The following COMMD1 variants were observed in gnomAD, a reference collection of about 807,000 sequenced individuals.
COMMD1 encodes the protein copper metabolism domain containing 1, also known as COMM domain-containing protein 1.
COMMD1 carries 10 observed loss-of-function variants against 17.2 expected under a neutral mutation model. That is an observed-to-expected ratio of 0.58 (90% CI 0.36 to 0.99). The LOEUF (loss-of-function observed/expected upper bound fraction) is 0.99. COMMD1 is among the 50% of genes least tolerant of loss of function. COMMD1 has a pLI of 0.01. For missense variants in COMMD1, 270 were observed against 231.8 expected (o/e 1.17, Z -1.07); for synonymous variants, 97 against 91.6 (o/e 1.06, Z -0.34).
At chr2:61,942,214 C>T (rs1572985616) in intron 1 of COMMD1, among the ~76,000 whole-genome samples, 1 of 151,824 alleles carries the variant, frequency 6.6e-6, no homozygotes, top group East Asian at 2.0e-4. Context: ...AGCGATTCTC[C>T]TGCCTCAGCC....
chr2:61,896,836 GT>G (rs1029693400), intron 1 of COMMD1, among the ~76,000 whole-genome samples: 2 of 75,494 alleles, frequency 2.6e-5, no homozygotes, highest in Non-Finnish European at 5.7e-5. Context: ...TTTTTTTTTT[GT>G]TTTTTTTAGA....
At chr2:61,972,667 C>A (rs530997074) in intron 1 of COMMD1, among the ~76,000 whole-genome samples, 6 of 152,272 alleles carry the variant, frequency 3.9e-5, no homozygotes, top group Admixed American at 3.9e-4. Flanking sequence ...CTTTGTCTAA[C>A]CAGGAGGCAA....
intron 2 of COMMD1, among the ~76,000 whole-genome samples, chr2:62,054,085 C>T (rs111683058): frequency 1.3e-5 from 2 of 152,190 alleles, no homozygotes; most frequent in African/African-American, 4.8e-5. Context: ...AAATGGCCAA[C>T]AGGTATATGA....
At chr2:62,055,784 C>T (rs529463897) in intron 2 of COMMD1, among the ~76,000 whole-genome samples, 4 of 152,290 alleles carry the variant, frequency 2.6e-5, no homozygotes, top group African/African-American at 4.8e-5. Flanking sequence ...GAAGGTGGAA[C>T]GTGTTCCTCT....
chr2:61,959,492 T>A (rs959483364), intron 1 of COMMD1, among the ~76,000 whole-genome samples: 6 of 152,228 alleles, frequency 3.9e-5, no homozygotes, highest in African/African-American at 1.4e-4. Context: ...ATTTTATAAA[T>A]GTAATTTTAT....
intron 2 of COMMD1, among the ~76,000 whole-genome samples, chr2:62,084,556 C>A (rs1437558140): frequency 6.6e-6 from 1 of 152,098 alleles, no homozygotes; most frequent in African/African-American, 2.4e-5. Context: ...TGTAAATGGA[C>A]CCATGCAGTT....
chr2:61,915,442 T>C (rs187232801), intron 1 of COMMD1, among the ~76,000 whole-genome samples: 26 of 152,298 alleles, frequency 1.7e-4, no homozygotes, highest in African/African-American at 5.8e-4. Context: ...CACTTTTTGA[T>C]TGACTTCCTT....
At chr2:62,119,732 T>C (rs1386444929) in intron 2 of COMMD1, among the ~76,000 whole-genome samples, 1 of 152,198 alleles carries the variant, frequency 6.6e-6, no homozygotes, top group Non-Finnish European at 1.5e-5. Flanking sequence ...ATCCCTTTTG[T>C]TGGAGAAGAA....
In COMMD1 at chr2:61,892,465, G is replaced by A. The variant is rs190046640; in HGVS notation, n.119+3623G>A. On this transcript the variant is annotated intron_variant and non_coding_transcript_variant, in intron 1 of 2. Coordinates refer to the COMMD1 transcript ENST00000472729. ...CCCAGCACCTTGGGAGGCGGAGGAG[G>A]GTGGATCAGCTGAGGTCAGGGGATT... Among the ~76,000 whole-genome samples the A allele has an allele frequency of 2.4e-3, 368 of 152,010 alleles. 1 individual carries two copies. The Middle Eastern group carries it at 0.041, about 17-fold the overall frequency.
chr2:62,024,092 T>C (rs922883007), intron 2 of COMMD1, among the ~76,000 whole-genome samples: 1 of 152,248 alleles, frequency 6.6e-6, no homozygotes, highest in Non-Finnish European at 1.5e-5. Context: ...ATTCACAATG[T>C]TGTTCAACCA....
chr2:62,126,788 A>C (rs1490440267), intron 2 of COMMD1, among the ~76,000 whole-genome samples: 1 of 152,186 alleles, frequency 6.6e-6, no homozygotes, highest in Non-Finnish European at 1.5e-5. Flanking sequence ...AATGGGCAAA[A>C]GCTGGAAGCA....
chr2:61,908,568 T>C (rs1312720109), intron 1 of COMMD1, among the ~76,000 whole-genome samples: 2 of 151,218 alleles, frequency 1.3e-5, no homozygotes, highest in Non-Finnish European at 2.9e-5. Flanking sequence ...ATTTCTCTAA[T>C]TATTATTTTT....
intron 2 of COMMD1, among the ~76,000 whole-genome samples, chr2:62,099,855 A>G (rs1193061858): frequency 6.6e-6 from 1 of 151,034 alleles, no homozygotes; most frequent in Non-Finnish European, 1.5e-5. Context: ...CCTCCCAGAC[A>G]CTCCCACGAG....
intron 1 of COMMD1, among the ~76,000 whole-genome samples, chr2:61,937,224 G>T (rs988442742): frequency 6.6e-6 from 1 of 152,100 alleles, no homozygotes; most frequent in East Asian, 1.9e-4. Flanking sequence ...GGCTGGAGGG[G>T]TATGATGATT....
chr2:61,985,926 G>C (rs1232521510), intron 1 of COMMD1, among the ~76,000 whole-genome samples: 1 of 151,952 alleles, frequency 6.6e-6, no homozygotes, highest in Non-Finnish European at 1.5e-5. Flanking sequence ...TACAGTATTA[G>C]AATATTCTGT....
chr2:62,070,294 G>A (rs114783430), intron 2 of COMMD1: 1,860 of 152,290 alleles, frequency 0.012, 41 homozygotes, highest in African/African-American at 0.043. Flanking sequence ...AGTTGCTCAC[G>A]CTTGTAATCT....
chr2:61,956,082 C>G (rs1387602113), intron 1 of COMMD1, among the ~76,000 whole-genome samples: 1 of 152,140 alleles, frequency 6.6e-6, no homozygotes, highest in East Asian at 1.9e-4. Context: ...TGTGGTATTA[C>G]CGTTTCATGA....
chr2:62,128,833 T>C (rs564186626), intron 2 of COMMD1, among the ~76,000 whole-genome samples: 2 of 151,938 alleles, frequency 1.3e-5, no homozygotes, highest in Admixed American at 1.3e-4. Flanking sequence ...ACGCCTGTAG[T>C]CCCAGCTACT....
At chr2:62,046,385 T>C (rs944013322) in intron 2 of COMMD1, among the ~76,000 whole-genome samples, 2 of 152,152 alleles carry the variant, frequency 1.3e-5, no homozygotes, top group African/African-American at 2.4e-5. Context: ...TGAACAAAAG[T>C]GCTAAGTAAC....
Sources: allele counts gnomAD v4.1 joint callset (sites outside exome capture counted in the v4.1 genomes callset), GRCh38; gene constraint gnomAD v4.1.1; transcripts MANE v1.5; gene names NCBI Gene and HGNC (gene_info 2026-07-23, HGNC 2026-07-21).